SPINT1: variants seen among roughly 807,000 people sequenced by gnomAD.
SPINT1 encodes kunitz-type protease inhibitor 1.
A neutral mutation model predicts 53.7 loss-of-function variants in SPINT1; 38 were observed. That is an observed-to-expected ratio of 0.71 (90% confidence interval 0.55 to 0.93). SPINT1 has a LOEUF of 0.93. Ranked by LOEUF, SPINT1 falls within the 40% of genes least tolerant of loss-of-function variation. The pLI is 0.00. For missense variants in SPINT1, 645 were observed against 692.9 expected (o/e 0.93, Z 0.78); for synonymous variants, 283 against 280.6 (o/e 1.01, Z -0.08).
chr15:40,856,230 T>C lies in SPINT1; in HGVS notation c.1289-46T>C, dbSNP rs1891637255. On this transcript the variant is annotated intron_variant, in intron 9 of 10. Coordinates refer to ENST00000562057, the MANE Select transcript of SPINT1 (RefSeq NM_003710.4). ...TGGGGCACTGGGGAGCAGCTGAGTC[T>C]CTGAGCCCTCAGTACTGACTGGTCT... is the stretch of plus-strand genomic sequence containing the variant. 5 of 1,612,534 alleles carry C rather than the reference T, an allele frequency of 3.1e-6. No homozygotes were observed. In the East Asian group the frequency reaches 1.1e-4, roughly 36 times the overall value.
At chr15:40,856,193 C>A in intron 9 of SPINT1, 83 bp from the exon 10 acceptor site, 1 of 1,597,290 alleles carries the variant, frequency 6.3e-7, no homozygotes, top group Non-Finnish European at 8.6e-7. Context: ...GAGAGGATGC[C>A]AGTGTGAGGT....
chr15:40,852,265 A>T lies in SPINT1; in HGVS notation c.476-859A>T, dbSNP rs142668532. ...TCTGTCTTCTCCTCTTCTGTTTCTT[A>T]TAAAGATACTTTGTCGTTGGATTTG... is the stretch of plus-strand genomic sequence containing the variant. On this transcript the variant is annotated intron_variant, in intron 2 of 10. Coordinates refer to ENST00000562057, the MANE Select transcript of SPINT1 (RefSeq NM_003710.4). Among the ~76,000 whole-genome samples, 441 of 152,236 alleles carry T rather than the reference A, an allele frequency of 2.9e-3. 2 individuals carry two copies. Among genetic ancestry groups the T allele is most frequent in the African/African-American group, 9.9e-3 (410 of 41,518 alleles).
Position 40,854,053 on chromosome 15 carries a change from C to T in SPINT1, c.914-7C>T, listed in dbSNP as rs777505359. ...TGCCTCCTCTCATTCTCTGTTCTCT[C>T]TCCCAGGCCCCTCCATGGAAAGGCG... On this transcript the variant is annotated splice_region_variant and splice_polypyrimidine_tract_variant and intron_variant, in intron 5 of 10. Transcript: ENST00000562057. 5.2e-6 allele frequency: 8 copies of T among 1,546,230 alleles called. No individual in the cohort carries two copies. In the East Asian group the frequency reaches 1.8e-4, roughly 35 times the overall value.
At chr15:40,856,526 G>A (rs192693266) in intron 10 of SPINT1, among the ~76,000 whole-genome samples, 3 of 152,248 alleles carry the variant, frequency 2.0e-5, no homozygotes, top group South Asian at 2.1e-4. Flanking sequence ...TGTCAGCAGC[G>A]TCCCAGGCTT....
At position 40,853,106 on chromosome 15, in the gene SPINT1, A is replaced by T. The variant is rs1181097748; in HGVS notation, c.476-18A>T. Reference sequence around the variant, plus strand: ...ATCTAGTGAGAATTGACCTTATCTCACTTTCTCTCCCCGCCAGGGTCTGGG... The same window carrying T: ...ATCTAGTGAGAATTGACCTTATCTCTCTTTCTCTCCCCGCCAGGGTCTGGG... On this transcript the variant is annotated intron_variant, in intron 2 of 10. Coordinates refer to ENST00000562057, the MANE Select transcript of SPINT1 (RefSeq NM_003710.4). 9.9e-6 allele frequency: 16 copies of T among 1,611,732 alleles called. No homozygotes were observed. Among genetic ancestry groups the T allele is most frequent in the African/African-American group, 1.3e-5 (1 of 74,820 alleles).
rs759288567 is a variant in SPINT1 at position 40,854,116 on chromosome 15, T to G, written c.940+30T>G. The stretch of plus-strand genomic sequence containing the variant: ...GCTTTACTCCCCTCCCCATCCCCCA[T>G]CCCCACCACATCTCTAGCCCATATC... On this transcript the variant is annotated intron_variant, in intron 6 of 10. Transcript: ENST00000562057. The G allele has an allele frequency of 7.2e-6, 11 of 1,520,520 alleles. No individual in the cohort carries two copies. In the South Asian group the frequency reaches 1.3e-4, roughly 18 times the overall value. The allele number at this position is 1,520,520 out of a possible 1,614,324, so 94.2% of individuals were successfully genotyped here.
rs1263363168 is a variant in SPINT1 at position 40,857,704 on chromosome 15, G to T, written c.*729G>T. ...CAGGAGAGGGACTAGGTTGCTGGGG[G>T]GTGATGGGACCGTCCTGTTCAGCTG... On this transcript the variant is annotated 3_prime_UTR_variant, in exon 11 of 11. Coordinates refer to ENST00000562057, the MANE Select transcript of SPINT1 (RefSeq NM_003710.4). 1 of 152,362 alleles carries T rather than the reference G, an allele frequency of 6.6e-6. No homozygotes were observed. Among genetic ancestry groups the T allele is most frequent in the East Asian group, 1.9e-4 (1 of 5,202 alleles). The allele number at this position is 152,362 out of a possible 1,614,324, so 9.4% of individuals were successfully genotyped here. A position where few individuals can be genotyped will look rare whatever the true frequency, so the allele number is the denominator to read the frequency against.
intron 9 of SPINT1, 76 bp downstream of exon 9, chr15:40,856,138 T>C: frequency 6.3e-7 from 1 of 1,595,454 alleles, no homozygotes; most frequent in African/African-American, 1.3e-5. Context: ...CCCCAGGCCT[T>C]TGGGAGTCAC....
intron 5 of SPINT1, 36 bp downstream of exon 5, chr15:40,853,917 A>G: frequency 6.2e-7 from 1 of 1,613,998 alleles, no homozygotes; most frequent in Non-Finnish European, 8.5e-7. Flanking sequence ...GGCTCAGGCG[A>G]CTTTCCCCCA....
rs953546587 is a variant in SPINT1, at chr15:40,844,069, G to C, written c.-183G>C. 2 of 429,554 alleles carry C rather than the reference G, an allele frequency of 4.7e-6. No individual in the cohort carries two copies. The highest frequency in any genetic ancestry group is 4.6e-6 in the Non-Finnish European group (1 of 216,390). 26.6% of individuals were successfully genotyped at this position (429,554 alleles called of 1,614,324 possible). On this transcript the variant is annotated 5_prime_UTR_variant, in exon 1 of 11. Transcript: ENST00000562057. The surrounding 1 kb of genome is among the most constrained non-coding windows in gnomAD (Gnocchi z 5.8). Reference sequence around the variant, plus strand: ...ACTCAGTTTCACCAGAAACCAGGGGGAGAAGGCGGCCGAGCCCCAGCTCTC... The same window carrying C: ...ACTCAGTTTCACCAGAAACCAGGGGCAGAAGGCGGCCGAGCCCCAGCTCTC...
In SPINT1 at chr15:40,844,600, G is replaced by T. The variant is rs2142000143; in HGVS notation, c.46G>T (p.Gly16Cys). The T allele has an allele frequency of 8.7e-6, 14 of 1,609,806 alleles. No individual in the cohort carries two copies. The highest frequency in any genetic ancestry group is 1.2e-5 in the Non-Finnish European group (14 of 1,178,760). ...GGCCCGCGCCCGCCTCGCCCCGGCC[G>T]GCATCCCTGCCGTCGCCTTGTGGCT... ...TMARARLAPA[G>C]IPAVALWLLC... is the part of the protein sequence containing the mutation. The change falls in exon 2 of 11, where the codon GGC becomes TGC. Residue 16 changes from glycine to cysteine, a missense_variant. Physicochemically the swap from Gly to Cys is radical, Grantham distance 159. Coordinates refer to ENST00000562057, the MANE Select transcript of SPINT1 (RefSeq NM_003710.4). This position sits in a 1 kb window ranked among gnomAD's most constrained non-coding sequence, Gnocchi z 5.8.
chr15:40,854,511 C>T lies in SPINT1; in HGVS notation c.1055C>T (p.Ala352Val), dbSNP rs751324782. 1.1e-5 allele frequency: 17 copies of T among 1,613,376 alleles called. No homozygotes were observed. Among genetic ancestry groups the T allele is most frequent in the South Asian group, 6.6e-5 (6 of 91,052 alleles). The change falls in exon 7 of 11, where the codon GCC (alanine) becomes GTC (valine). Residue 352 changes from alanine (A) to valine (V), a missense_variant. Physicochemically the swap from Ala to Val is moderately conservative, Grantham distance 64. Coordinates refer to ENST00000562057, the MANE Select transcript of SPINT1 (RefSeq NM_003710.4). ...TGCCCCGACGCCTCCGACGAGGCTG[C>T]CTGTGAAAAATGTGAGGCCTGGGGG... The part of the protein sequence containing the change: ...PNCPDASDEA[A>V]CEKYTSGFDE...
At chr15:40,852,090 G>C (rs1041301656) in intron 2 of SPINT1, among the ~76,000 whole-genome samples, 1 of 152,190 alleles carries the variant, frequency 6.6e-6, no homozygotes, top group African/African-American at 2.4e-5. Flanking sequence ...CCCACATCAA[G>C]GTGTCAGCAG....
At chr15:40,847,367 C>T (rs560241973) in intron 2 of SPINT1, among the ~76,000 whole-genome samples, 3 of 152,298 alleles carry the variant, frequency 2.0e-5, no homozygotes, top group African/African-American at 4.8e-5. Context: ...GGTTGGGTGA[C>T]GTGGGTCACG....
chr15:40,848,678 A>G (rs1367727989), intron 2 of SPINT1, among the ~76,000 whole-genome samples: 2 of 152,158 alleles, frequency 1.3e-5, no homozygotes, highest in African/African-American at 4.8e-5. Flanking sequence ...CATTTATACA[A>G]TGAATATGAT....
intron 2 of SPINT1, among the ~76,000 whole-genome samples, chr15:40,846,288 G>A (rs1440339089): frequency 6.6e-6 from 1 of 152,112 alleles, no homozygotes; most frequent in Non-Finnish European, 1.5e-5. Context: ...CTCTCTACCT[G>A]CTGTTCTGGC....
intron 2 of SPINT1, among the ~76,000 whole-genome samples, chr15:40,850,990 C>T (rs930096685): frequency 1.3e-5 from 2 of 152,118 alleles, no homozygotes; most frequent in African/African-American, 4.8e-5. Flanking sequence ...TGTCTGTCCC[C>T]TTTCTGTACT....
At chr15:40,851,613 C>T (rs867571471) in intron 2 of SPINT1, among the ~76,000 whole-genome samples, 3 of 152,346 alleles carry the variant, frequency 2.0e-5, no homozygotes, top group South Asian at 4.1e-4. Flanking sequence ...CTTGTTTAGT[C>T]CACGTGTTGC....
At position 40,853,670 on chromosome 15, in the gene SPINT1, C is replaced by T. The variant is rs773756301; in HGVS notation, c.743-41C>T. 35 of 1,613,852 alleles carry T rather than the reference C, an allele frequency of 2.2e-5. No homozygotes were observed. The Middle Eastern group carries it at 6.6e-4, about 30-fold the overall frequency. On this transcript the variant is annotated intron_variant, in intron 4 of 10. Coordinates refer to ENST00000562057, the MANE Select transcript of SPINT1 (RefSeq NM_003710.4). The stretch of plus-strand genomic sequence containing the variant: ...AGCAGCACCTGGAGCCCCCGCTGTG[C>T]GGATTGGCCGCACGGTCCCCTCATA...
Sources: allele counts gnomAD v4.1 joint callset (sites outside exome capture counted in the v4.1 genomes callset), GRCh38; gene constraint gnomAD v4.1.1; non-coding constraint Gnocchi (gnomAD v3.1); transcripts MANE v1.5; gene names NCBI Gene and HGNC (gene_info 2026-07-23, HGNC 2026-07-21).